PDE1C: variants seen among roughly 807,000 people sequenced by gnomAD.
The protein encoded by PDE1C is phosphodiesterase 1C.
PDE1C carries 62 observed loss-of-function variants against 93.1 expected under a neutral mutation model. The observed-to-expected ratio is 0.67, with a 90% CI of 0.54 to 0.82. The LOEUF (loss-of-function observed/expected upper bound fraction) is 0.82. Among genes scored for constraint, PDE1C ranks in the 40% least tolerant of loss-of-function variants. The pLI, the probability that PDE1C is intolerant of heterozygous loss-of-function variation, is 0.00. For missense variants in PDE1C, 742 were observed against 884.6 expected, an observed-to-expected ratio of 0.84 and a Z score of 2.04; for synonymous variants, 325 against 310.1, an observed-to-expected ratio of 1.05 and a Z score of -0.50.
At chr7:31,835,876 A>G (rs1472128570) in intron 11 of PDE1C, among the ~76,000 whole-genome samples, 1 of 152,132 alleles carries the variant, frequency 6.6e-6, no homozygotes, top group Non-Finnish European at 1.5e-5. Context: ...TGCCTTCTAC[A>G]ATTTCTGCAT....
rs370143247 is a variant in PDE1C, at chr7:32,035,466, CTCTT to C, written c.128+16084_128+16087del. Among the ~76,000 whole-genome samples, 1,160 of 152,240 alleles carry C rather than the reference CTCTT, an allele frequency of 7.6e-3. 6 individuals are homozygous for C. The highest frequency in any genetic ancestry group is 0.026 in the African/African-American group (1,100 of 41,546). ...TTGAGCTGCTTTTCACGTTTCTTTC[CTCTT>C]TCTTTAACTCTTACACCTAGCTTGT... is the stretch of plus-strand genomic sequence containing the variant. On this transcript the variant is annotated intron_variant, in intron 2 of 17. Coordinates refer to ENST00000396191, the MANE Select transcript of PDE1C (RefSeq NM_001191057.4).
At chr7:31,800,229 C>A (rs1785832566) in intron 16 of PDE1C, among the ~76,000 whole-genome samples, 1 of 151,344 alleles carries the variant, frequency 6.6e-6, no homozygotes, top group South Asian at 2.1e-4. Flanking sequence ...TTTTTATTCT[C>A]CTAATAGAGG....
At chr7:31,859,930 G>A (rs901302453) in intron 7 of PDE1C, among the ~76,000 whole-genome samples, 6 of 152,114 alleles carry the variant, frequency 3.9e-5, no homozygotes, top group African/African-American at 1.2e-4. Context: ...TTTAGTCATA[G>A]AAATCTATGG....
At chr7:31,732,636 T>TGTGTGTG in the PDE1C span, among the ~76,000 whole-genome samples, 8 of 103,126 alleles carry the variant, frequency 7.8e-5, no homozygotes, top group African/African-American at 2.7e-4. Context: ...TCTCCTCTCT[T>TGTGTGTG]TCTGTGTGTG....
At chr7:32,255,459 A>G (rs923651426) in intron 1 of PDE1C, among the ~76,000 whole-genome samples, 4 of 152,206 alleles carry the variant, frequency 2.6e-5, no homozygotes, top group Non-Finnish European at 5.9e-5. Context: ...ATCATGAAAC[A>G]TTAGATGGAG....
intron 16 of PDE1C, among the ~76,000 whole-genome samples, chr7:31,803,649 T>A (rs1228409183): frequency 6.6e-6 from 1 of 152,004 alleles, no homozygotes; most frequent in East Asian, 1.9e-4. Flanking sequence ...CATGCGGTGT[T>A]TCATTTTTTG....
At chr7:31,628,428 G>C in the PDE1C span, among the ~76,000 whole-genome samples, 7 of 151,790 alleles carry the variant, frequency 4.6e-5, no homozygotes, top group Admixed American at 4.6e-4. Context: ...CAGCTAGGAA[G>C]AGAAACACAA....
intron 17 of PDE1C, among the ~76,000 whole-genome samples, chr7:31,758,984 A>T (rs897980893): frequency 1.5e-4 from 23 of 152,120 alleles, no homozygotes; most frequent in African/African-American, 5.5e-4. Context: ...AACATTTACC[A>T]TTTGCTGGGA....
intron 1 of PDE1C, among the ~76,000 whole-genome samples, chr7:32,228,396 T>C (rs977196048): frequency 2.0e-5 from 3 of 152,176 alleles, no homozygotes; most frequent in African/African-American, 7.2e-5. Flanking sequence ...CCTTGAATAT[T>C]ATTCTAAAGG....
chr7:31,887,942 T>G (rs1355483641), intron 2 of PDE1C, among the ~76,000 whole-genome samples: 1 of 152,088 alleles, frequency 6.6e-6, no homozygotes, highest in African/African-American at 2.4e-5. Context: ...AAGCAGTGTT[T>G]AGAGGAAAAT....
At chr7:32,308,303 G>A (rs1422923996) in intron 1 of PDE1C, among the ~76,000 whole-genome samples, 1 of 152,238 alleles carries the variant, frequency 6.6e-6, no homozygotes, top group Non-Finnish European at 1.5e-5. Context: ...CCACCTCTGG[G>A]GGCAGGGCAC....
chr7:32,309,772 C>T (rs1813121692), intron 1 of PDE1C, among the ~76,000 whole-genome samples: 1 of 152,202 alleles, frequency 6.6e-6, no homozygotes, highest in Non-Finnish European at 1.5e-5. Context: ...AAAGGAAAAA[C>T]TGGTACCAAC....
chr7:31,879,785 A>G (rs967914353), intron 3 of PDE1C, among the ~76,000 whole-genome samples: 22 of 152,370 alleles, frequency 1.4e-4, no homozygotes, highest in African/African-American at 5.3e-4. Flanking sequence ...TTCATAGGTC[A>G]GACCACTAGA....
intron 9 of PDE1C, among the ~76,000 whole-genome samples, chr7:31,846,233 C>CTTTTTTTTT (rs371624212): frequency 2.3e-5 from 3 of 129,942 alleles, no homozygotes; most frequent in African/African-American, 2.9e-5. Context: ...CTTTTTTTTT[C>CTTTTTTTTT]TTTTTTTTTT....
At chr7:32,185,209 C>T (rs1199970409) in intron 2 of PDE1C, among the ~76,000 whole-genome samples, 2 of 140,158 alleles carry the variant, frequency 1.4e-5, no homozygotes, top group South Asian at 2.3e-4. Context: ...AGTGCCATTG[C>T]ACTCCAGCCT....
At chr7:32,399,581 CT>C (rs34748013) in intron 1 of PDE1C, among the ~76,000 whole-genome samples, 1,569 of 117,506 alleles carry the variant, frequency 0.013, 14 homozygotes, top group Middle Eastern at 0.027. Context: ...CTTCATTTAA[CT>C]TTTTTTTTTT....
chr7:31,745,998 C>T, the PDE1C span, among the ~76,000 whole-genome samples: 4 of 151,920 alleles, frequency 2.6e-5, no homozygotes, highest in South Asian at 4.2e-4. Context: ...GTTCGCTTCT[C>T]GTTGACAGGT....
the PDE1C span, among the ~76,000 whole-genome samples, chr7:31,726,916 C>A: frequency 6.6e-6 from 1 of 152,082 alleles, no homozygotes; most frequent in Admixed American, 6.6e-5. Context: ...TGCCTGTAAT[C>A]CCCAGCTATT....
chr7:32,251,249 C>G (rs1482557795), intron 1 of PDE1C, among the ~76,000 whole-genome samples: 2 of 148,830 alleles, frequency 1.3e-5, no homozygotes, highest in East Asian at 4.3e-4. Flanking sequence ...CAGACCTAGA[C>G]CTGAATCCGG....
Sources: gnomAD v4.1 joint callset for allele counts (sites outside exome capture counted in the v4.1 genomes callset) on GRCh38, gnomAD v4.1.1 for gene constraint, MANE v1.5 for transcripts, NCBI Gene and HGNC (gene_info 2026-07-23, HGNC 2026-07-21) for gene names.